ZNF43: variants seen among roughly 807,000 people sequenced by gnomAD.
ZNF43 encodes zinc finger protein 43.
Under a neutral mutation model 68.4 loss-of-function variants are expected in ZNF43, and 44 were observed. That is an observed-to-expected ratio of 0.64 (90% CI 0.51 to 0.83). The LOEUF is 0.83. Among genes scored for constraint, ZNF43 ranks in the 40% least tolerant of loss-of-function variants. The probability of loss-of-function intolerance (pLI) is 0.00; values close to 1 mark genes in which losing one functional copy is unlikely to be tolerated. For missense variants in ZNF43, 896 were observed against 933.2 expected, an observed-to-expected ratio of 0.96 and a Z score of 0.52; for synonymous variants, 308 against 307.8, an observed-to-expected ratio of 1.00 and a Z score of -0.01.
At chr19:21,844,039 C>T (rs1290039348) in intron 1 of ZNF43, among the ~76,000 whole-genome samples, 2 of 152,020 alleles carry the variant, frequency 1.3e-5, no homozygotes, top group Admixed American at 1.3e-4. Flanking sequence ...GTGTATTACC[C>T]GAGGGCTTTA....
chr19:21,849,422 A>C (rs1968179263), intron 1 of ZNF43, among the ~76,000 whole-genome samples: 2 of 134,020 alleles, frequency 1.5e-5, no homozygotes, highest in African/African-American at 5.5e-5. Context: ...CAGGAGGCGG[A>C]GGTTGCAGTG....
At chr19:21,828,007 A>G (rs2038219973) in intron 1 of ZNF43, among the ~76,000 whole-genome samples, 2 of 152,092 alleles carry the variant, frequency 1.3e-5, no homozygotes, top group Non-Finnish European at 1.5e-5. Flanking sequence ...ACCTGTTTTT[A>G]TCTGTCCTGT....
intron 1 of ZNF43, among the ~76,000 whole-genome samples, chr19:21,822,314 A>G (rs1408562452): frequency 4.1e-5 from 2 of 49,066 alleles, no homozygotes; most frequent in Non-Finnish European, 9.1e-5. Flanking sequence ...ACTCTTGTGT[A>G]TGTATCTTGA....
At chr19:21,835,836 C>G (rs962116952) in intron 1 of ZNF43, among the ~76,000 whole-genome samples, 200 bp downstream of exon 1, 2 of 152,308 alleles carry the variant, frequency 1.3e-5, no homozygotes. Context: ...GGCTGCAGGC[C>G]GGGACACAGT....
In ZNF43 at chr19:21,817,974, G is replaced by A; in HGVS notation, c.143C>T (p.Ser48Phe). 6.2e-7 allele frequency: 1 copy of A among 1,612,420 alleles called. No homozygotes were observed. Among genetic ancestry groups the A allele is most frequent in the Non-Finnish European group, 8.5e-7 (1 of 1,179,318 alleles). The stretch of plus-strand genomic sequence containing the variant: ...CAGACAGGTGATCAGGTCTGGCTTA[G>A]AGACAGCAATACCTGTTTCAATAAA... ...RNLVFLGIAVSKPDLITCLEQ... is the reference protein window; with the variant it reads ...RNLVFLGIAVFKPDLITCLEQ... Residue 48 changes from serine (S) to phenylalanine (F), a missense_variant, in exon 3 of 4, where the codon TCT (serine) becomes TTT (phenylalanine). Coordinates refer to ENST00000354959, the MANE Select transcript of ZNF43 (RefSeq NM_003423.4).
intron 1 of ZNF43, among the ~76,000 whole-genome samples, chr19:21,831,046 T>G (rs1327959104): frequency 6.6e-6 from 1 of 152,160 alleles, no homozygotes; most frequent in African/African-American, 2.4e-5. Flanking sequence ...TCAAGAAAAT[T>G]TAACATTCTT....
At chr19:21,837,457 C>G (rs1422197199), upstream of ZNF43, among the ~76,000 whole-genome samples, 2 of 109,246 alleles carry the variant, frequency 1.8e-5, no homozygotes, top group African/African-American at 7.4e-5. Context: ...CGGAGTCTTG[C>G]TCTGTCGACC....
chr19:21,809,262 TG>T lies in ZNF43; in HGVS notation c.774del (p.Tyr258Ter). ...HKKNYTRYKL[Y>X]KCEECGKAFN... ...AAAGCTTTGCCACATTCTTCACATTTGTAGAGTTTGTATCTAGTATAATTTT... is the reference window on the plus strand; with the variant it reads ...AAAGCTTTGCCACATTCTTCACATTTTAGAGTTTGTATCTAGTATAATTTT... On this transcript the variant is annotated frameshift_variant, in exon 4 of 4. Coordinates refer to ENST00000354959, the MANE Select transcript of ZNF43 (RefSeq NM_003423.4). LOFTEE classifies it high-confidence loss of function. The T allele has an allele frequency of 6.2e-7, 1 of 1,613,736 alleles. No homozygotes were observed.
intron 1 of ZNF43, among the ~76,000 whole-genome samples, chr19:21,846,115 C>A (rs1489045151): frequency 2.6e-5 from 4 of 152,078 alleles, no homozygotes; most frequent in Non-Finnish European, 5.9e-5. Context: ...AGGGGTATTT[C>A]CTAGTGCTAC....
At chr19:21,821,902 C>T (rs1399056540) in intron 1 of ZNF43, among the ~76,000 whole-genome samples, 2 of 149,138 alleles carry the variant, frequency 1.3e-5, no homozygotes, top group Admixed American at 6.8e-5. Context: ...TGATCTGAGA[C>T]ATGTTTAGCT....
chr19:21,817,519 T>C (rs545723094), intron 3 of ZNF43, among the ~76,000 whole-genome samples: 1 of 152,180 alleles, frequency 6.6e-6, no homozygotes, highest in Admixed American at 6.5e-5. Flanking sequence ...ATTTCAGACA[T>C]GATGTAAAGA....
At chr19:21,834,070 A>G (rs1232219492) in intron 1 of ZNF43, among the ~76,000 whole-genome samples, 1 of 151,986 alleles carries the variant, frequency 6.6e-6, no homozygotes, top group African/African-American at 2.4e-5. Flanking sequence ...GCCTAGGGAA[A>G]ACAAAAAGAA....
intron 1 of ZNF43, among the ~76,000 whole-genome samples, chr19:21,842,925 G>A (rs1488946479): frequency 6.8e-6 from 1 of 148,058 alleles, no homozygotes; most frequent in African/African-American, 2.5e-5. Context: ...AGAGAAGAGT[G>A]AGATCATGTA....
At chr19:21,814,915 C>G (rs1234551876) in intron 3 of ZNF43, among the ~76,000 whole-genome samples, 1 of 151,858 alleles carries the variant, frequency 6.6e-6, no homozygotes, top group East Asian at 1.9e-4. Flanking sequence ...AGGCCAGGCA[C>G]AGTGGCTCAT....
intron 1 of ZNF43, among the ~76,000 whole-genome samples, chr19:21,821,735 T>C (rs1051297292): frequency 3.9e-5 from 6 of 152,180 alleles, no homozygotes; most frequent in East Asian, 3.8e-4. Flanking sequence ...GGCTCTGTTA[T>C]ATAGAAAAGA....
At chr19:21,819,019 C>A in intron 2 of ZNF43, 76 bp downstream of exon 2, 6 of 1,527,548 alleles carry the variant, frequency 3.9e-6, no homozygotes, top group South Asian at 2.5e-5. Context: ...TATAAATTAC[C>A]AAAAAAACAG....
At chr19:21,819,358 C>T (rs1013428810) in intron 1 of ZNF43, 137 bp from the exon 2 acceptor site, 3 of 959,904 alleles carry the variant, frequency 3.1e-6, no homozygotes, top group African/African-American at 1.7e-5. Flanking sequence ...TGAAATTATC[C>T]AATAAAATAA....
intron 1 of ZNF43, among the ~76,000 whole-genome samples, chr19:21,821,138 A>ATTTTTTTT (rs74174043): frequency 8.4e-6 from 1 of 118,560 alleles, no homozygotes; most frequent in Non-Finnish European, 1.7e-5. Flanking sequence ...CCCGGCTGTA[A>ATTTTTTTT]TTTTTTTTTT....
intron 3 of ZNF43, among the ~76,000 whole-genome samples, chr19:21,815,418 A>G (rs1454603572): frequency 6.6e-6 from 1 of 150,872 alleles, no homozygotes; most frequent in Non-Finnish European, 1.5e-5. Context: ...AGTAGATGCT[A>G]TACTTACAAA....
Sources: allele counts gnomAD v4.1 joint callset (sites outside exome capture counted in the v4.1 genomes callset), GRCh38; gene constraint gnomAD v4.1.1; transcripts MANE v1.5; gene names NCBI Gene and HGNC (gene_info 2026-07-23, HGNC 2026-07-21).